MARK1: variants seen among roughly 807,000 people sequenced by gnomAD.
The protein encoded by MARK1 is microtubule affinity regulating kinase 1, also known as serine/threonine-protein kinase MARK1.
A neutral mutation model predicts 96.3 loss-of-function variants in MARK1; 40 were observed. That is an observed-to-expected ratio of 0.42 (90% CI 0.32 to 0.54). The LOEUF is 0.54. MARK1 is among the 20% of genes least tolerant of loss of function. The pLI, the probability that MARK1 is intolerant of heterozygous loss-of-function variation, is 0.16. For missense variants in MARK1, 719 were observed against 984.6 expected, an observed-to-expected ratio of 0.73 and a Z score of 3.61; for synonymous variants, 317 against 341.2, an observed-to-expected ratio of 0.93 and a Z score of 0.78.
At chr1:220,619,857 A>G (rs930598597) in intron 9 of MARK1, among the ~76,000 whole-genome samples, 3 of 152,166 alleles carry the variant, frequency 2.0e-5, no homozygotes, top group African/African-American at 7.2e-5. Context: ...ATTTACCTTA[A>G]TAGAAAGGGT....
intron 16 of MARK1, among the ~76,000 whole-genome samples, chr1:220,655,882 C>A (rs1283999123): frequency 2.6e-5 from 4 of 152,108 alleles, no homozygotes; most frequent in Non-Finnish European, 5.9e-5. Flanking sequence ...CCTCTTCTCC[C>A]ACTCTTCCCC....
At chr1:220,532,680 G>GA (rs1448813339) in intron 1 of MARK1, among the ~76,000 whole-genome samples, 1 of 152,104 alleles carries the variant, frequency 6.6e-6, no homozygotes, top group Non-Finnish European at 1.5e-5. Context: ...GTTACTTCGA[G>GA]AAAGTGTTTT....
chr1:220,591,579 G>C lies in MARK1; in HGVS notation c.310-6752G>C, dbSNP rs116605141. ...AGGAAATGCCTGTGCCAATTAGAGAGTACAAGTAAAAGCCCTCTTTCATAG... is the reference window on the plus strand; with the variant it reads ...AGGAAATGCCTGTGCCAATTAGAGACTACAAGTAAAAGCCCTCTTTCATAG... On this transcript the variant is annotated intron_variant, in intron 3 of 17. Coordinates refer to ENST00000366917, the MANE Select transcript of MARK1 (RefSeq NM_018650.5). Among the ~76,000 whole-genome samples the C allele has an allele frequency of 1.7e-3, 266 of 152,226 alleles. 2 individuals carry two copies. Among genetic ancestry groups the C allele is most frequent in the African/African-American group, 5.4e-3 (224 of 41,554 alleles).
intron 3 of MARK1, among the ~76,000 whole-genome samples, chr1:220,588,500 T>C (rs1664793877): frequency 6.6e-6 from 1 of 152,190 alleles, no homozygotes; most frequent in Non-Finnish European, 1.5e-5. Flanking sequence ...TAGTTATAAA[T>C]CATCTAATAT....
chr1:220,592,174 A>G (rs1665028640), intron 3 of MARK1, among the ~76,000 whole-genome samples: 2 of 150,686 alleles, frequency 1.3e-5, no homozygotes, highest in Admixed American at 1.3e-4. Context: ...CTTCTAACCA[A>G]TGCAATAGGG....
At chr1:220,617,674 T>G (rs1364896504) in intron 7 of MARK1, among the ~76,000 whole-genome samples, 1 of 152,108 alleles carries the variant, frequency 6.6e-6, no homozygotes, top group Admixed American at 6.5e-5. Context: ...CTATGTAAAA[T>G]ATACATCAAG....
In MARK1 at chr1:220,567,017, T is replaced by A. The variant is rs192554731; in HGVS notation, c.52-12337T>A. 1.6e-4 allele frequency among the ~76,000 whole-genome samples: 24 copies of A among 152,314 alleles called. No individual in the cohort carries two copies. The East Asian group carries it at 4.1e-3, about 26-fold the overall frequency. ...AAAAGGGTATGCCAGTGAAGTTTTCTTCCCCACCTAGTCCTTAGTATCTTG... is the reference window on the plus strand; with the variant it reads ...AAAAGGGTATGCCAGTGAAGTTTTCATCCCCACCTAGTCCTTAGTATCTTG... On this transcript the variant is annotated intron_variant, in intron 1 of 17. Transcript: ENST00000366917.
At chr1:220,648,822 T>C (rs750484781) in intron 13 of MARK1, among the ~76,000 whole-genome samples, 5 of 152,206 alleles carry the variant, frequency 3.3e-5, no homozygotes, top group Non-Finnish European at 5.9e-5. Context: ...TGTGCAGTTT[T>C]AATAATTGCC....
intron 3 of MARK1, among the ~76,000 whole-genome samples, chr1:220,592,730 G>T (rs917278328): frequency 2.6e-5 from 4 of 152,218 alleles, no homozygotes; most frequent in Non-Finnish European, 4.4e-5. Context: ...TTGGGACCTA[G>T]ATAACCTCTG....
chr1:220,536,896 T>G (rs929783226), intron 1 of MARK1, among the ~76,000 whole-genome samples: 4 of 152,184 alleles, frequency 2.6e-5, no homozygotes, highest in Middle Eastern at 3.2e-3. Flanking sequence ...CCTCTCTTGT[T>G]AGATATTGAA....
intron 16 of MARK1, among the ~76,000 whole-genome samples, chr1:220,656,955 T>C (rs1169807675): frequency 6.6e-6 from 1 of 152,158 alleles, no homozygotes; most frequent in Non-Finnish European, 1.5e-5. Flanking sequence ...TTTATTCTTA[T>C]TGCATTCGTT....
At position 220,579,388 on chromosome 1, in the gene MARK1, T is replaced by A; in HGVS notation, c.86T>A (p.Ile29Asn). 1.2e-6 allele frequency: 2 copies of A among 1,614,024 alleles called. No individual in the cohort carries two copies. The highest frequency in any genetic ancestry group is 8.5e-7 in the Non-Finnish European group (1 of 1,179,960). Reference protein sequence around the residue: ...TSVDGYTEPHIQPTKSSSRQN... With the variant: ...TSVDGYTEPHNQPTKSSSRQN... The stretch of plus-strand genomic sequence containing the variant: ...GTGGATGGATATACTGAACCACACA[T>A]CCAGCCTACCAAGTCGAGTAGCAGA... The change falls in exon 2 of 18, where the codon ATC becomes AAC. Residue 29 changes from isoleucine to asparagine, a missense_variant. By Grantham distance (149) the Ile-to-Asn change is moderately radical. Coordinates refer to ENST00000366917, the MANE Select transcript of MARK1 (RefSeq NM_018650.5).
intron 2 of MARK1, among the ~76,000 whole-genome samples, chr1:220,580,485 A>C (rs1664161758): frequency 6.6e-6 from 1 of 152,082 alleles, no homozygotes; most frequent in Admixed American, 6.6e-5. Flanking sequence ...CAAAAAAAAA[A>C]CAAAAACTCA....
intron 9 of MARK1, among the ~76,000 whole-genome samples, chr1:220,619,580 A>G (rs1666945128): frequency 6.6e-6 from 1 of 152,234 alleles, no homozygotes; most frequent in South Asian, 2.1e-4. Context: ...TTCATTTCTT[A>G]GCACACTGTT....
chr1:220,627,101 G>C, intron 9 of MARK1: 1 of 518,116 alleles, frequency 1.9e-6, no homozygotes, highest in African/African-American at 2.0e-5. Flanking sequence ...AACAGCGACT[G>C]TTTGAGAACC....
At chr1:220,566,719 C>G (rs955220794) in intron 1 of MARK1, among the ~76,000 whole-genome samples, 9 of 152,152 alleles carry the variant, frequency 5.9e-5, no homozygotes, top group African/African-American at 1.9e-4. Flanking sequence ...TGAACAAATT[C>G]AGGCATAATC....
chr1:220,580,812 T>C (rs182391149), intron 2 of MARK1, among the ~76,000 whole-genome samples: 80 of 152,350 alleles, frequency 5.3e-4, no homozygotes, highest in African/African-American at 1.9e-3. Context: ...ATTTTTACTT[T>C]AAAGAAGGAA....
chr1:220,602,341 T>G (rs1308193872), intron 5 of MARK1, among the ~76,000 whole-genome samples: 3 of 152,190 alleles, frequency 2.0e-5, no homozygotes, highest in Non-Finnish European at 2.9e-5. Context: ...TCAAACAACA[T>G]TTATAAAATG....
intron 1 of MARK1, among the ~76,000 whole-genome samples, chr1:220,533,600 C>T (rs979589691): frequency 3.3e-5 from 5 of 152,078 alleles, no homozygotes; most frequent in African/African-American, 9.7e-5. Context: ...TTTGCTTAGT[C>T]TGTAACTCTA....
Sources: gnomAD v4.1 joint callset for allele counts (sites outside exome capture counted in the v4.1 genomes callset) on GRCh38, gnomAD v4.1.1 for gene constraint, MANE v1.5 for transcripts, NCBI Gene and HGNC (gene_info 2026-07-23, HGNC 2026-07-21) for gene names.